The following CACNA2D2 variants were observed in gnomAD, a reference collection of about 807,000 sequenced individuals.
CACNA2D2 encodes voltage-dependent calcium channel subunit alpha-2/delta-2.
Under a neutral mutation model 166.4 loss-of-function variants are expected in CACNA2D2, and 48 were observed. The ratio of observed to expected loss-of-function variants is 0.29; its 90% CI spans 0.23 to 0.37. CACNA2D2 has a LOEUF of 0.37. Among genes scored for constraint, CACNA2D2 ranks in the 10% least tolerant of loss-of-function variants. The probability of loss-of-function intolerance (pLI) is 1.00; values close to 1 mark genes in which losing one functional copy is unlikely to be tolerated. For synonymous variants in CACNA2D2, 561 were observed against 573.7 expected, an observed-to-expected ratio of 0.98 and a Z score of 0.32; for missense variants, 1,122 against 1,433.0, an observed-to-expected ratio of 0.78 and a Z score of 3.50.
intron 1 of CACNA2D2, among the ~76,000 whole-genome samples, chr3:50,502,089 T>C (rs1698990551): frequency 6.6e-6 from 1 of 152,158 alleles, no homozygotes; most frequent in Non-Finnish European, 1.5e-5. Flanking sequence ...TCGGCAGGTT[T>C]TGTGGCAGAA....
intron 3 of CACNA2D2, among the ~76,000 whole-genome samples, chr3:50,406,206 G>C (rs1223414010): frequency 6.6e-6 from 1 of 151,800 alleles, no homozygotes; most frequent in African/African-American, 2.4e-5. Flanking sequence ...CATGCAAATT[G>C]GCACAGAGGC....
At chr3:50,478,133 C>CGCT (rs1383300865) in intron 1 of CACNA2D2, among the ~76,000 whole-genome samples, 3 of 152,190 alleles carry the variant, frequency 2.0e-5, no homozygotes, top group Non-Finnish European at 4.4e-5. Context: ...TTCCCTCCTC[C>CGCT]GCTCCCCACC....
Position 50,367,023 on chromosome 3 carries a change from G to T in CACNA2D2, c.2488C>A (p.Leu830Met). 6.2e-7 allele frequency: 1 copy of T among 1,613,752 alleles called. No individual in the cohort carries two copies. The highest frequency in any genetic ancestry group is 8.5e-7 in the Non-Finnish European group (1 of 1,179,958). ...AVELSLGRRT[L>M]RPAVVGVKLD... Reference sequence around the variant, plus strand: ...CCCAAACATTCACCTGCTGGCCTCAGTGTGCGCCTGCCTAGGCTGAGCTCC... The same window carrying T: ...CCCAAACATTCACCTGCTGGCCTCATTGTGCGCCTGCCTAGGCTGAGCTCC... Residue 830 changes from leucine (L) to methionine (M), a missense_variant, in exon 28 of 38, where the codon CTG (leucine) becomes ATG (methionine). By Grantham distance (15) the Leu-to-Met change is conservative. Coordinates refer to ENST00000424201, the MANE Select transcript of CACNA2D2 (RefSeq NM_006030.4). This position sits in a 1 kb window ranked among gnomAD's most constrained non-coding sequence, Gnocchi z 6.5.
At position 50,385,711 on chromosome 3, in the gene CACNA2D2, G is replaced by A. The variant is rs148170091; in HGVS notation, c.511-1374C>T. 3.9e-5 allele frequency among the ~76,000 whole-genome samples: 6 copies of A among 152,338 alleles called. No homozygotes were observed. In the East Asian group the frequency reaches 1.2e-3, roughly 29 times the overall value. ...TGCCCACCCCTGGCACACCCTAGAAGCCCTCGGGTGCTGGGTAGAGCCAGG... is the reference window on the plus strand; with the variant it reads ...TGCCCACCCCTGGCACACCCTAGAAACCCTCGGGTGCTGGGTAGAGCCAGG... On this transcript the variant is annotated intron_variant, in intron 5 of 37. Coordinates refer to ENST00000424201, the MANE Select transcript of CACNA2D2 (RefSeq NM_006030.4).
At chr3:50,450,229 G>A (rs550382518) in intron 2 of CACNA2D2, among the ~76,000 whole-genome samples, 6 of 152,264 alleles carry the variant, frequency 3.9e-5, no homozygotes, top group Non-Finnish European at 7.4e-5. Flanking sequence ...TTTTGACAGC[G>A]GATCGGCCTG....
chr3:50,394,388 G>T (rs1189455164), intron 3 of CACNA2D2, among the ~76,000 whole-genome samples: 2 of 152,196 alleles, frequency 1.3e-5, no homozygotes, highest in Non-Finnish European at 2.9e-5. Flanking sequence ...CAGGAAAGGT[G>T]AAGCCTGTGC....
At chr3:50,457,970 T>C (rs1399810663) in intron 2 of CACNA2D2, among the ~76,000 whole-genome samples, 2 of 152,100 alleles carry the variant, frequency 1.3e-5, no homozygotes, top group Non-Finnish European at 1.5e-5. Flanking sequence ...AGCTAAGTCT[T>C]TGGGAGCTGC....
intron 2 of CACNA2D2, among the ~76,000 whole-genome samples, chr3:50,466,322 C>T (rs1709829237): frequency 6.6e-6 from 1 of 152,088 alleles, no homozygotes; most frequent in South Asian, 2.1e-4. Flanking sequence ...TGAGATTTCT[C>T]AGCTTTGCTA....
chr3:50,478,959 C>T (rs1439930195), intron 1 of CACNA2D2, among the ~76,000 whole-genome samples: 1 of 152,108 alleles, frequency 6.6e-6, no homozygotes, highest in African/African-American at 2.4e-5. Flanking sequence ...TCTATAGGTC[C>T]CTGCTTCTAG....
intron 1 of CACNA2D2, among the ~76,000 whole-genome samples, chr3:50,499,292 A>G (rs1698856478): frequency 6.6e-6 from 1 of 152,180 alleles, no homozygotes; most frequent in South Asian, 2.1e-4. Context: ...GTAGAGAGAC[A>G]GGCGGCCACC....
intron 2 of CACNA2D2, among the ~76,000 whole-genome samples, chr3:50,467,830 G>C (rs147416698): frequency 6.6e-6 from 1 of 152,188 alleles, no homozygotes; most frequent in Non-Finnish European, 1.5e-5. Flanking sequence ...TTATGGCTCC[G>C]TAACTTTCTC....
At chr3:50,474,025 C>G (rs1261122231) in intron 2 of CACNA2D2, among the ~76,000 whole-genome samples, 1 of 152,220 alleles carries the variant, frequency 6.6e-6, no homozygotes, top group Non-Finnish European at 1.5e-5. Flanking sequence ...CCTGCTCTGG[C>G]CCAGCTCCCT....
chr3:50,450,799 C>T (rs904336226), intron 2 of CACNA2D2, among the ~76,000 whole-genome samples: 1 of 152,134 alleles, frequency 6.6e-6, no homozygotes, highest in Non-Finnish European at 1.5e-5. Context: ...CAGTCACATC[C>T]GCAAGACGCC....
rs954140665 is a variant in CACNA2D2 at position 50,379,296 on chromosome 3, C to T, written c.1153-97G>A. 6.9e-7 allele frequency: 1 copy of T among 1,441,888 alleles called. No homozygotes were observed. The allele number at this position is 1,441,888 out of a possible 1,614,324, so 89.3% of individuals were successfully genotyped here. A position where few individuals can be genotyped will look rare whatever the true frequency, so the allele number is the denominator to read the frequency against. On this transcript the variant is annotated intron_variant, in intron 11 of 37. Coordinates refer to ENST00000424201, the MANE Select transcript of CACNA2D2 (RefSeq NM_006030.4). The surrounding 1 kb of genome is among the most constrained non-coding windows in gnomAD (Gnocchi z 6.5). The stretch of plus-strand genomic sequence containing the variant: ...GTGGGCCTGGACCTCTGGCCCTCCT[C>T]CCCCACAGCAGATGGAGCTATCTGT...
chr3:50,453,655 C>G, intron 2 of CACNA2D2, among the ~76,000 whole-genome samples: 1 of 152,192 alleles, frequency 6.6e-6, no homozygotes, highest in Non-Finnish European at 1.5e-5. Context: ...GGATTTGCAC[C>G]CCATCTGTCT....
Position 50,384,191 on chromosome 3 carries a change from C to G in CACNA2D2, c.652+5G>C. The G allele has an allele frequency of 6.2e-7, 1 of 1,613,934 alleles. No homozygotes were observed. The highest frequency in any genetic ancestry group is 8.5e-7 in the Non-Finnish European group (1 of 1,179,858). ...TGGGCTGTCCCGATTGCTCTGCACACTCACAGCCTTTGTAGATGTCCGTAG... is the reference window on the plus strand; with the variant it reads ...TGGGCTGTCCCGATTGCTCTGCACAGTCACAGCCTTTGTAGATGTCCGTAG... On this transcript the variant is annotated splice_donor_5th_base_variant and intron_variant, in intron 6 of 37. Transcript: ENST00000424201.
At chr3:50,468,760 A>C (rs927754343) in intron 2 of CACNA2D2, among the ~76,000 whole-genome samples, 3 of 151,086 alleles carry the variant, frequency 2.0e-5, no homozygotes, top group Non-Finnish European at 4.4e-5. Context: ...CCCAACGCCA[A>C]CATCTAGGCA....
chr3:50,383,863 C>G (rs1705449293), intron 6 of CACNA2D2, among the ~76,000 whole-genome samples: 1 of 152,144 alleles, frequency 6.6e-6, no homozygotes, highest in Non-Finnish European at 1.5e-5. Context: ...GCTTCAGGGG[C>G]AGGCGGGCAC....
chr3:50,364,590 G>A lies in CACNA2D2; in HGVS notation c.*76C>T, dbSNP rs1181010169. The A allele has an allele frequency of 7.0e-7, 1 of 1,420,316 alleles. No individual in the cohort carries two copies. The highest frequency in any genetic ancestry group is 2.5e-5 in the East Asian group (1 of 39,952). 88.0% of individuals were successfully genotyped at this position (1,420,316 alleles called of 1,614,324 possible). A position where few individuals can be genotyped will look rare whatever the true frequency, so the allele number is the denominator to read the frequency against. On this transcript the variant is annotated 3_prime_UTR_variant, in exon 38 of 38. Coordinates refer to ENST00000424201, the MANE Select transcript of CACNA2D2 (RefSeq NM_006030.4). ...AGGGAGGGACGAGGCTCTAAGGCGG[G>A]GAGTGTGGGGCAGGAGGGTGGGAAA...
Sources: allele counts gnomAD v4.1 joint callset (sites outside exome capture counted in the v4.1 genomes callset), GRCh38; gene constraint gnomAD v4.1.1; non-coding constraint Gnocchi (gnomAD v3.1); transcripts MANE v1.5; gene names NCBI Gene and HGNC (gene_info 2026-07-23, HGNC 2026-07-21).